ARHGAP23: variants seen among roughly 807,000 people sequenced by gnomAD.
The protein encoded by ARHGAP23 is Rho GTPase activating protein 23, also known as rho GTPase-activating protein 23.
ARHGAP23 carries 34 observed loss-of-function variants against 136.3 expected under a neutral mutation model. That is an observed-to-expected ratio of 0.25 (90% CI 0.19 to 0.33). The LOEUF (loss-of-function observed/expected upper bound fraction) is 0.33, where lower values mean the gene tolerates loss of function less well. Ranked by LOEUF, ARHGAP23 falls within the 10% of genes least tolerant of loss-of-function variation. ARHGAP23 has a pLI of 1.00. For synonymous variants in ARHGAP23, 832 were observed against 920.5 expected, an observed-to-expected ratio of 0.90 and a Z score of 1.74; for missense variants, 1,808 against 2,139.0, an observed-to-expected ratio of 0.85 and a Z score of 3.05.
At chr17:38,470,341 C>A (rs1174950204) in intron 10 of ARHGAP23, among the ~76,000 whole-genome samples, 1 of 152,216 alleles carries the variant, frequency 6.6e-6, no homozygotes, top group African/African-American at 2.4e-5. Flanking sequence ...AATAGAAGCT[C>A]CCTGAACTTA....
chr17:38,446,162 G>A (rs2040489401), intron 1 of ARHGAP23, among the ~76,000 whole-genome samples: 1 of 144,868 alleles, frequency 6.9e-6, no homozygotes, highest in Non-Finnish European at 1.5e-5. Context: ...CTACATGTAT[G>A]TGCCACCACA....
intron 10 of ARHGAP23, among the ~76,000 whole-genome samples, chr17:38,471,478 C>T (rs1462234728): frequency 1.3e-5 from 2 of 152,238 alleles, no homozygotes; most frequent in East Asian, 3.8e-4. Context: ...TGACTACCTG[C>T]TCCACTCACT....
chr17:38,470,082 C>T lies in ARHGAP23; in HGVS notation c.1974+178C>T, dbSNP rs577366828. Among the ~76,000 whole-genome samples the T allele has an allele frequency of 3.2e-4, 49 of 152,310 alleles. 1 individual carries two copies. In the South Asian group the frequency reaches 8.9e-3, roughly 28 times the overall value. ...GGGACCCGCCCTCTGCTGTGGGCCC[C>T]GACATCCCTGAATGACACCATGCAG... On this transcript the variant is annotated intron_variant, in intron 10 of 23. Coordinates refer to ENST00000622683, the MANE Select transcript of ARHGAP23 (RefSeq NM_001199417.2).
In ARHGAP23 at chr17:38,469,236, G is replaced by A. The variant is rs373145870; in HGVS notation, c.1741G>A (p.Gly581Ser). The change falls in exon 8 of 24, where the codon GGC becomes AGC. Residue 581 changes from glycine to serine, a missense_variant. Around this residue, in one of 7 missense-constraint regions of ARHGAP23, gnomAD observed 859 missense variants for 936.4 expected, o/e 0.92. Coordinates refer to ENST00000622683, the MANE Select transcript of ARHGAP23 (RefSeq NM_001199417.2). ...TGCCATGAACTCAGCCCCTGTCCTG[G>A]GCACCAGCCCATCTTCCCCGACCTT... is the stretch of plus-strand genomic sequence containing the variant. Reference protein sequence around the residue: ...SSAMNSAPVLGTSPSSPTFTF... With the variant: ...SSAMNSAPVLSTSPSSPTFTF... The A allele has an allele frequency of 5.8e-6, 9 of 1,551,426 alleles. No individual in the cohort carries two copies. Among genetic ancestry groups the A allele is most frequent in the Non-Finnish European group, 7.8e-6 (9 of 1,146,824 alleles).
upstream of ARHGAP23, among the ~76,000 whole-genome samples, chr17:38,428,158 G>T (rs1270748763): frequency 2.0e-5 from 3 of 152,154 alleles, no homozygotes; most frequent in Non-Finnish European, 4.4e-5. Context: ...GGGCCTGGAT[G>T]GCCCTCTATC....
At chr17:38,508,171 A>G (rs892138740) in intron 23 of ARHGAP23, among the ~76,000 whole-genome samples, 19 of 152,354 alleles carry the variant, frequency 1.2e-4, no homozygotes, top group Non-Finnish European at 2.8e-4. Context: ...CTAGGAGCAT[A>G]GTGAGATGAC....
chr17:38,509,486 GGAGAGGAGGT>G, intron 23 of ARHGAP23, among the ~76,000 whole-genome samples: 1 of 152,286 alleles, frequency 6.6e-6, no homozygotes, highest in Middle Eastern at 3.4e-3. Context: ...GGCAGCGGGT[GGAGAGGAGGT>G]GGGGGACTTG....
In ARHGAP23 at chr17:38,466,819, G is replaced by T. The variant is rs780836319; in HGVS notation, c.1136G>T (p.Gly379Val). Residue 379 changes from glycine to valine, a missense_variant, in exon 7 of 24, where the codon GGC (glycine) becomes GTC (valine). Physicochemically the swap from Gly to Val is moderately radical, Grantham distance 109. Coordinates refer to ENST00000622683, the MANE Select transcript of ARHGAP23 (RefSeq NM_001199417.2). ...ALVSPRFERC[G>V]WASQRSSART... ...GTGTCACCCCGCTTTGAGCGGTGTGGCTGGGCTTCCCAGCGTTCGTCTGCC... is the reference window on the plus strand; with the variant it reads ...GTGTCACCCCGCTTTGAGCGGTGTGTCTGGGCTTCCCAGCGTTCGTCTGCC... The T allele has an allele frequency of 5.8e-6, 9 of 1,548,928 alleles. No homozygotes were observed. The highest frequency in any genetic ancestry group is 7.8e-6 in the Non-Finnish European group (9 of 1,146,532).
chr17:38,510,712 C>T lies in ARHGAP23; in HGVS notation c.4216C>T (p.His1406Tyr). 6.9e-7 allele frequency: 1 copy of T among 1,447,974 alleles called. No individual in the cohort carries two copies. Among genetic ancestry groups the T allele is most frequent in the South Asian group, 1.4e-5 (1 of 72,138 alleles). 89.7% of individuals were successfully genotyped at this position (1,447,974 alleles called of 1,614,324 possible). Residue 1406 changes from histidine to tyrosine, a missense_variant, in exon 24 of 24, where the codon CAC (histidine) becomes TAC (tyrosine). Around this residue, in one of 7 missense-constraint regions of ARHGAP23, gnomAD observed 506 missense variants for 455.8 expected, o/e 1.11. Coordinates refer to ENST00000622683, the MANE Select transcript of ARHGAP23 (RefSeq NM_001199417.2). The surrounding 1 kb of genome is among the most constrained non-coding windows in gnomAD (Gnocchi z 4.6). ...GCGGCGCCGGAGCAGCTGGCGCCGC[C>T]ACACCGTGGTGGTGCAGAGCCCGCT... The part of the protein sequence containing the change: ...TRRRRSSWRR[H>Y]TVVVQSPLTD...
chr17:38,509,830 TGGCTGG>T (rs2040714413), intron 23 of ARHGAP23, 108 bp from the exon 24 acceptor site: 1 of 840,288 alleles, frequency 1.2e-6, no homozygotes, highest in Non-Finnish European at 1.6e-6. Flanking sequence ...GTGCTGGCCT[TGGCTGG>T]GGCTTGTGGC....
At chr17:38,456,828 T>C (rs887955215) in intron 1 of ARHGAP23, among the ~76,000 whole-genome samples, 1 of 152,168 alleles carries the variant, frequency 6.6e-6, no homozygotes, top group Non-Finnish European at 1.5e-5. Flanking sequence ...ACTCTTGTCT[T>C]CAGATACCCT....
At chr17:38,482,998 G>GGCATTCCA in intron 16 of ARHGAP23, among the ~76,000 whole-genome samples, 1 of 152,206 alleles carries the variant, frequency 6.6e-6, no homozygotes, top group East Asian at 1.9e-4. Context: ...AGCCAGGTGA[G>GGCATTCCA]GGCATTCCAG....
chr17:38,510,429 C>T lies in ARHGAP23; in HGVS notation c.3933C>T (p.His1311=), dbSNP rs1220278282. ...GCCGGCCGTCCTTCAGCTCGCACCACCTCATGCCCTGCGACACTCTGGCGC... is the reference window on the plus strand; with the variant it reads ...GCCGGCCGTCCTTCAGCTCGCACCATCTCATGCCCTGCGACACTCTGGCGC... ...LTRRPSFSSH[H]LMPCDTLARR... The change falls in exon 24 of 24, where the codon CAC becomes CAT. Residue 1311 remains histidine, a synonymous_variant. Transcript: ENST00000622683. The surrounding 1 kb of genome is among the most constrained non-coding windows in gnomAD (Gnocchi z 4.6). 1 of 1,226,948 alleles carries T rather than the reference C, an allele frequency of 8.2e-7. No individual in the cohort carries two copies. The highest frequency in any genetic ancestry group is 1.6e-5 in the African/African-American group (1 of 63,834). The allele number at this position is 1,226,948 out of a possible 1,614,324, so 76.0% of individuals were successfully genotyped here. A position where few individuals can be genotyped will look rare whatever the true frequency, so the allele number is the denominator to read the frequency against.
At chr17:38,478,772 G>A (rs1173490912) in intron 12 of ARHGAP23, among the ~76,000 whole-genome samples, 1 of 152,154 alleles carries the variant, frequency 6.6e-6, no homozygotes, top group Non-Finnish European at 1.5e-5. Context: ...GGCCTAGGTA[G>A]GGATTCCTCC....
intron 17 of ARHGAP23, among the ~76,000 whole-genome samples, chr17:38,486,422 G>T (rs1356789923): frequency 6.6e-6 from 1 of 151,788 alleles, no homozygotes; most frequent in Non-Finnish European, 1.5e-5. Flanking sequence ...AGAGATGGGG[G>T]GAGTTTCTCA....
rs577698990 is a variant in ARHGAP23 at position 38,503,528 on chromosome 17, G to A, written c.3447+2900G>A. Reference sequence around the variant, plus strand: ...TGGGCCTGGCTTCTCCACACTCCCCGGAGAGCCCCTTCTGAGTCCCTTCTG... The same window carrying A: ...TGGGCCTGGCTTCTCCACACTCCCCAGAGAGCCCCTTCTGAGTCCCTTCTG... On this transcript the variant is annotated intron_variant, in intron 23 of 23. Transcript: ENST00000622683. 2.0e-5 allele frequency among the ~76,000 whole-genome samples: 3 copies of A among 152,238 alleles called. No homozygotes were observed. The East Asian group carries it at 5.8e-4, about 29-fold the overall frequency.
chr17:38,434,365 C>T (rs901008460), intron 1 of ARHGAP23, among the ~76,000 whole-genome samples: 17 of 152,218 alleles, frequency 1.1e-4, no homozygotes, highest in African/African-American at 3.4e-4. Context: ...TGTCCCCAAC[C>T]GCTGGGAATC....
Position 38,510,999 on chromosome 17 carries a change from C to T in ARHGAP23, c.*27C>T. The T allele has an allele frequency of 7.1e-7, 1 of 1,402,734 alleles. No homozygotes were observed. The highest frequency in any genetic ancestry group is 3.0e-5 in the East Asian group (1 of 33,236). The allele number at this position is 1,402,734 out of a possible 1,614,324, so 86.9% of individuals were successfully genotyped here. A position where few individuals can be genotyped will look rare whatever the true frequency, so the allele number is the denominator to read the frequency against. ...CCCCACCTCCCGCGCCGCTCGGGCGCCACCCCTCCCTAGAGCCCCTTTGGA... is the reference window on the plus strand; with the variant it reads ...CCCCACCTCCCGCGCCGCTCGGGCGTCACCCCTCCCTAGAGCCCCTTTGGA... On this transcript the variant is annotated 3_prime_UTR_variant, in exon 24 of 24. Coordinates refer to ENST00000622683, the MANE Select transcript of ARHGAP23 (RefSeq NM_001199417.2). This position sits in a 1 kb window ranked among gnomAD's most constrained non-coding sequence, Gnocchi z 4.6.
intron 1 of ARHGAP23, among the ~76,000 whole-genome samples, chr17:38,429,793 C>T (rs1463584415): frequency 6.6e-6 from 1 of 152,092 alleles, no homozygotes; most frequent in Non-Finnish European, 1.5e-5. Flanking sequence ...CATCTCTATC[C>T]CCTGCACCCC....
Sources: gnomAD v4.1 joint callset for allele counts (sites outside exome capture counted in the v4.1 genomes callset) on GRCh38, gnomAD v4.1.1 for gene constraint, gnomAD v4.1.1 regional missense constraint, Gnocchi (gnomAD v3.1) non-coding constraint, MANE v1.5 for transcripts, NCBI Gene and HGNC (gene_info 2026-07-23, HGNC 2026-07-21) for gene names.